The following TMEM161B variants were observed in gnomAD, a reference collection of about 807,000 sequenced individuals.
TMEM161B encodes the protein transmembrane protein 161B.
Under a neutral mutation model 61.8 loss-of-function variants are expected in TMEM161B, and 34 were observed. The observed-to-expected ratio is 0.55, with a 90% CI of 0.42 to 0.73. TMEM161B has a LOEUF of 0.73. Among genes scored for constraint, TMEM161B ranks in the 30% least tolerant of loss-of-function variants. The pLI, the probability that TMEM161B is intolerant of heterozygous loss-of-function variation, is 0.00. For missense variants in TMEM161B, 456 were observed against 558.5 expected, an observed-to-expected ratio of 0.82 and a Z score of 1.85; for synonymous variants, 167 against 192.8, an observed-to-expected ratio of 0.87 and a Z score of 1.11.
At chr5:88,249,757 G>A (rs1329426714) in intron 1 of TMEM161B, among the ~76,000 whole-genome samples, 1 of 152,132 alleles carries the variant, frequency 6.6e-6, no homozygotes, top group African/African-American at 2.4e-5. Flanking sequence ...CACTGGGGCC[G>A]AAAGTGTGCT....
chr5:88,228,513 T>C lies in TMEM161B; in HGVS notation c.123A>G (p.Gln41=). 3 of 1,606,166 alleles carry C rather than the reference T, an allele frequency of 1.9e-6. No individual in the cohort carries two copies. The highest frequency in any genetic ancestry group is 1.7e-6 in the Non-Finnish European group (2 of 1,177,612). ...LLCNGSLRWY[Q]HPTEEELRIL... ...TTCTTAATTCTTCTTCTGTAGGATG[T>C]TGATACCACCTCAAACTAAGCAAAA... Residue 41 remains glutamine (Q), a synonymous_variant, in exon 3 of 12, where the codon CAA becomes CAG. Coordinates refer to ENST00000296595, the MANE Select transcript of TMEM161B (RefSeq NM_153354.5).
chr5:88,222,745 T>C (rs750603500), intron 4 of TMEM161B, among the ~76,000 whole-genome samples: 2 of 152,154 alleles, frequency 1.3e-5, no homozygotes, highest in Admixed American at 1.3e-4. Flanking sequence ...TTCATGATAA[T>C]TATTGGGACA....
At chr5:88,254,811 C>T (rs762072446) in intron 1 of TMEM161B, among the ~76,000 whole-genome samples, 50 of 151,012 alleles carry the variant, frequency 3.3e-4, no homozygotes, top group Non-Finnish European at 5.6e-4. Flanking sequence ...CACTGTACTC[C>T]GGCCTGACAA....
In TMEM161B at chr5:88,195,383, A is replaced by G. The variant is rs1178055846; in HGVS notation, c.*828T>C. The G allele has an allele frequency of 1.3e-6, 1 of 754,082 alleles. No individual in the cohort carries two copies. The highest frequency in any genetic ancestry group is 1.9e-5 in the African/African-American group (1 of 52,172). 46.7% of individuals were successfully genotyped at this position (754,082 alleles called of 1,614,324 possible). A position where few individuals can be genotyped will look rare whatever the true frequency, so the allele number is the denominator to read the frequency against. Reference sequence around the variant, plus strand: ...TATATATTTAATATATAATATATATACAATACATACAGGTAGTCAGCAGGT... The same window carrying G: ...TATATATTTAATATATAATATATATGCAATACATACAGGTAGTCAGCAGGT... On this transcript the variant is annotated 3_prime_UTR_variant, in exon 12 of 12. Transcript: ENST00000296595.
Position 88,195,753 on chromosome 5 carries a change from A to G in TMEM161B, c.*458T>C. 1 of 987,278 alleles carries G rather than the reference A, an allele frequency of 1.0e-6. No homozygotes were observed. Among genetic ancestry groups the G allele is most frequent in the Non-Finnish European group, 1.2e-6 (1 of 831,094 alleles). 61.2% of individuals were successfully genotyped at this position (987,278 alleles called of 1,614,324 possible). On this transcript the variant is annotated 3_prime_UTR_variant, in exon 12 of 12. Transcript: ENST00000296595. ...TTGTTTCAAGAGTAACTAATAAATT[A>G]CCAACAGAAGAGACTTTAGCCCCTT... is the stretch of plus-strand genomic sequence containing the variant.
At chr5:88,262,058 A>T (rs1755761502) in intron 1 of TMEM161B, among the ~76,000 whole-genome samples, 1 of 152,200 alleles carries the variant, frequency 6.6e-6, no homozygotes, top group South Asian at 2.1e-4. Flanking sequence ...AATATAACAA[A>T]CTCTTAATTA....
At chr5:88,220,093 A>T (rs2112520412) in intron 5 of TMEM161B, among the ~76,000 whole-genome samples, 1 of 152,220 alleles carries the variant, frequency 6.6e-6, no homozygotes, top group East Asian at 1.9e-4. Flanking sequence ...TTATTTAAGG[A>T]AGGTAATAAT....
At chr5:88,231,541 G>A (rs1750988412) in intron 2 of TMEM161B, among the ~76,000 whole-genome samples, 1 of 152,214 alleles carries the variant, frequency 6.6e-6, no homozygotes, top group Non-Finnish European at 1.5e-5. Flanking sequence ...AGTTAGTACA[G>A]TTACTGGCAT....
intron 5 of TMEM161B, among the ~76,000 whole-genome samples, chr5:88,210,293 GGAATGTATACAAAAACA>G (rs1166530554): frequency 6.6e-6 from 1 of 152,036 alleles, no homozygotes; most frequent in Non-Finnish European, 1.5e-5. Context: ...CAAAAATATG[GGAATGTATACAAAAACA>G]TATGGATCAA....
intron 5 of TMEM161B, among the ~76,000 whole-genome samples, chr5:88,211,557 T>G (rs779300455): frequency 2.6e-5 from 4 of 151,750 alleles, no homozygotes; most frequent in Non-Finnish European, 4.4e-5. Context: ...GTCAGGAGTT[T>G]GAGACCAGCC....
At chr5:88,264,407 A>T (rs1478445958) in intron 1 of TMEM161B, among the ~76,000 whole-genome samples, 4 of 152,156 alleles carry the variant, frequency 2.6e-5, no homozygotes, top group African/African-American at 4.8e-5. Flanking sequence ...AGTTAGAATG[A>T]CAATTATTAA....
chr5:88,209,115 G>C (rs1280127416), intron 5 of TMEM161B, among the ~76,000 whole-genome samples: 5 of 152,088 alleles, frequency 3.3e-5, no homozygotes, highest in African/African-American at 7.2e-5. Flanking sequence ...GGAGCATTTC[G>C]GATTTTGGAT....
intron 1 of TMEM161B, among the ~76,000 whole-genome samples, chr5:88,245,945 A>C (rs1257182520): frequency 6.6e-6 from 1 of 151,980 alleles, no homozygotes; most frequent in East Asian, 1.9e-4. Flanking sequence ...TTCAGTACCC[A>C]GAAGAGAAAT....
intron 5 of TMEM161B, among the ~76,000 whole-genome samples, chr5:88,213,510 A>G (rs1318858719): frequency 6.6e-6 from 1 of 152,150 alleles, no homozygotes; most frequent in Non-Finnish European, 1.5e-5. Flanking sequence ...TGTGAAGAGA[A>G]TAGCCAAAAA....
intron 3 of TMEM161B, 36 bp from the exon 4 acceptor site, chr5:88,225,902 T>C (rs751350904): frequency 7.4e-7 from 1 of 1,347,018 alleles, no homozygotes; most frequent in South Asian, 1.2e-5. Context: ...AAAAACAAGT[T>C]ACCTACACTG....
chr5:88,263,635 G>C (rs951235015), intron 1 of TMEM161B, among the ~76,000 whole-genome samples: 2 of 152,108 alleles, frequency 1.3e-5, no homozygotes, highest in Admixed American at 6.5e-5. Context: ...GCAAAACCAC[G>C]TTAACAACAG....
chr5:88,218,703 T>C (rs775770966), intron 5 of TMEM161B, among the ~76,000 whole-genome samples: 3 of 151,776 alleles, frequency 2.0e-5, no homozygotes, highest in Non-Finnish European at 4.4e-5. Context: ...AAAAAGAAAA[T>C]AAATCAGAAA....
downstream of TMEM161B, among the ~76,000 whole-genome samples, chr5:88,186,291 C>A (rs1748354253): frequency 6.6e-6 from 1 of 152,154 alleles, no homozygotes; most frequent in East Asian, 1.9e-4. Context: ...CCTCTTTCCT[C>A]AGGAGGAAAA....
intron 4 of TMEM161B, among the ~76,000 whole-genome samples, chr5:88,221,140 T>C (rs1188585882): frequency 1.3e-5 from 2 of 152,238 alleles, no homozygotes; most frequent in Non-Finnish European, 2.9e-5. Context: ...CTGTTCACTT[T>C]TGTGAAGTAA....
Sources: gnomAD v4.1 joint callset for allele counts (sites outside exome capture counted in the v4.1 genomes callset) on GRCh38, gnomAD v4.1.1 for gene constraint, MANE v1.5 for transcripts, NCBI Gene and HGNC (gene_info 2026-07-23, HGNC 2026-07-21) for gene names.